SEC24B: variants seen among roughly 807,000 people sequenced by gnomAD.
SEC24B encodes SEC24 homolog B, COPII component, also known as protein transport protein Sec24B.
In SEC24B, 45 loss-of-function variants were observed where a neutral mutation model predicts 142.8. The observed-to-expected ratio is 0.32, with a 90% CI of 0.25 to 0.40. The LOEUF is 0.40. SEC24B is among the 10% of genes least tolerant of loss of function. The pLI is 1.00. For synonymous variants in SEC24B, 574 were observed against 568.2 expected (o/e 1.01, Z -0.15); for missense variants, 1,409 against 1,526.8 (o/e 0.92, Z 1.29).
chr4:109,465,438 G>A (rs892546262), intron 2 of SEC24B, among the ~76,000 whole-genome samples: 1 of 150,702 alleles, frequency 6.6e-6, no homozygotes, highest in Non-Finnish European at 1.5e-5. Flanking sequence ...AGTTATCCAA[G>A]TTGAATTGCC....
At chr4:109,482,993 C>CATAT (rs1393146684) in intron 4 of SEC24B, among the ~76,000 whole-genome samples, 7,759 of 107,618 alleles carry the variant, frequency 0.072, 1,024 homozygotes, top group African/African-American at 0.15. Flanking sequence ...CACACACACA[C>CATAT]ACACACACAC....
intron 11 of SEC24B, 23 bp from the exon 12 acceptor site, chr4:109,520,343 A>C (rs1218453595): frequency 7.1e-7 from 1 of 1,407,670 alleles, no homozygotes; most frequent in African/African-American, 1.4e-5. Context: ...CTCTGAATTT[A>C]AAATTGTCAT....
intron 6 of SEC24B, among the ~76,000 whole-genome samples, chr4:109,498,431 C>T (rs1034764310): frequency 7.2e-5 from 11 of 152,158 alleles, no homozygotes; most frequent in Non-Finnish European, 1.3e-4. Flanking sequence ...AATCTCGGCT[C>T]GCGGCTCACT....
chr4:109,472,735 A>G (rs935740817), intron 2 of SEC24B, among the ~76,000 whole-genome samples: 2 of 152,006 alleles, frequency 1.3e-5, no homozygotes, highest in Non-Finnish European at 2.9e-5. Context: ...TATTTTAGGA[A>G]AATTGTCATT....
intron 15 of SEC24B, 65 bp downstream of exon 15, chr4:109,525,006 ACT>A (rs1384841966): frequency 7.1e-7 from 1 of 1,405,028 alleles, no homozygotes; most frequent in Non-Finnish European, 9.8e-7. Flanking sequence ...TTAAATCTAA[ACT>A]CTTCAGTAAG....
chr4:109,520,992 C>CAA, intron 12 of SEC24B, 125 bp from the exon 13 acceptor site: 1 of 619,828 alleles, frequency 1.6e-6, no homozygotes. Context: ...AACTCCATCT[C>CAA]AAAAAAATAA....
intron 6 of SEC24B, among the ~76,000 whole-genome samples, chr4:109,504,887 C>T (rs1736521576): frequency 6.6e-6 from 1 of 152,020 alleles, no homozygotes; most frequent in Non-Finnish European, 1.5e-5. Context: ...TTCTATAGCA[C>T]ATTAACATAA....
At chr4:109,533,481 T>G (rs778491170) in intron 21 of SEC24B, 112 bp from the exon 22 acceptor site, 4 of 729,070 alleles carry the variant, frequency 5.5e-6, no homozygotes, top group Non-Finnish European at 9.6e-6. Context: ...ATAGATTTCC[T>G]TTTTACTCTT....
Position 109,463,261 on chromosome 4 carries a change from A to ACTG in SEC24B, c.496_497insGCT (p.Tyr165_Ser166insCys). 1 of 1,613,874 alleles carries ACTG rather than the reference A, an allele frequency of 6.2e-7. No homozygotes were observed. Among genetic ancestry groups the ACTG allele is most frequent in the East Asian group, 2.2e-5 (1 of 44,868 alleles). On this transcript the variant is annotated inframe_insertion, in exon 2 of 24. Transcript: ENST00000265175. ...AATCACTACAATAGTCCAGCCATGT[A>ACTG]CTCTGCCAGCTCTTCTGTTGCGTCT...
chr4:109,457,125 A>G (rs1400386329), intron 1 of SEC24B, among the ~76,000 whole-genome samples: 4 of 152,224 alleles, frequency 2.6e-5, no homozygotes, highest in Non-Finnish European at 5.9e-5. Context: ...GATTTTCCCC[A>G]AAGAGTTTCT....
At chr4:109,471,357 C>A (rs1037147905) in intron 2 of SEC24B, among the ~76,000 whole-genome samples, 2 of 151,986 alleles carry the variant, frequency 1.3e-5, no homozygotes, top group African/African-American at 4.8e-5. Context: ...GTTGCCCAGG[C>A]TGGTCTCAAA....
At position 109,439,490 on chromosome 4, in the gene SEC24B, T is replaced by C. The variant is rs1266979421; in HGVS notation, c.133+5488T>C. ...CCTAAGCTGATTTTTTTTTTTTTTT[T>C]TTTTTTTTTTTTTTTTTTTTTTTTT... On this transcript the variant is annotated intron_variant, in intron 1 of 23. Transcript: ENST00000265175. Among the ~76,000 whole-genome samples, 103 of 81,902 alleles carry C rather than the reference T, an allele frequency of 1.3e-3. 3 individuals carry two copies. In the South Asian group the frequency reaches 0.029, roughly 23 times the overall value. 53.7% of individuals were successfully genotyped at this position (81,902 alleles called of 152,430 possible).
intron 18 of SEC24B, among the ~76,000 whole-genome samples, chr4:109,527,660 T>C (rs899869245): frequency 6.6e-6 from 1 of 151,980 alleles, no homozygotes; most frequent in Non-Finnish European, 1.5e-5. Flanking sequence ...TAATCGCAGC[T>C]TCTCAGGAGA....
chr4:109,441,518 C>A (rs1728926633), intron 1 of SEC24B, among the ~76,000 whole-genome samples: 1 of 152,134 alleles, frequency 6.6e-6, no homozygotes, highest in African/African-American at 2.4e-5. Context: ...GCAGTCTTGA[C>A]CTCCCCGGGT....
intron 2 of SEC24B, among the ~76,000 whole-genome samples, chr4:109,467,886 T>G (rs903173002): frequency 9.2e-5 from 14 of 152,220 alleles, no homozygotes; most frequent in African/African-American, 3.1e-4. Context: ...AAAAGCTACT[T>G]GAGTAAAAAT....
chr4:109,513,756 A>G lies in SEC24B; in HGVS notation c.1913A>G (p.Glu638Gly). The G allele has an allele frequency of 6.2e-7, 1 of 1,607,106 alleles. No individual in the cohort carries two copies. Among genetic ancestry groups the G allele is most frequent in the South Asian group, 1.1e-5 (1 of 90,862 alleles). ...LCYRVNDVPE[E>G]FMYNPLTRSY... is the part of the protein sequence containing the mutation. The stretch of plus-strand genomic sequence containing the variant: ...GGGACCTCTTATCTAGTTCCTGAAG[A>G]ATTTATGTATAACCCCCTTACCCGA... The change falls in exon 10 of 24, where the codon GAA becomes GGA. Residue 638 changes from glutamate (E) to glycine (G), a missense_variant. Around this residue, in one of 2 missense-constraint regions of SEC24B, gnomAD observed 700 missense variants for 853.3 expected, o/e 0.82. Coordinates refer to ENST00000265175, the MANE Select transcript of SEC24B (RefSeq NM_006323.5).
chr4:109,464,150 G>T (rs1030243149), intron 2 of SEC24B, among the ~76,000 whole-genome samples: 2 of 152,160 alleles, frequency 1.3e-5, no homozygotes, highest in African/African-American at 4.8e-5. Context: ...CTCATTTTCA[G>T]ATTAGTAAGT....
rs10034178 is a variant in SEC24B at position 109,483,003 on chromosome 4, C to T, written c.1165+1222C>T. Among the ~76,000 whole-genome samples the T allele has an allele frequency of 4.8e-3, 404 of 83,864 alleles. 11 individuals are homozygous for T. The highest frequency in any genetic ancestry group is 0.023 in the African/African-American group (281 of 12,052). 55.0% of individuals were successfully genotyped at this position (83,864 alleles called of 152,430 possible). On this transcript the variant is annotated intron_variant, in intron 4 of 23. Coordinates refer to ENST00000265175, the MANE Select transcript of SEC24B (RefSeq NM_006323.5). ...ATACACACACACACACACACACACA[C>T]ATATTATACATATGTTTTTTATATA...
At chr4:109,504,801 C>T (rs892180535) in intron 6 of SEC24B, among the ~76,000 whole-genome samples, 8 of 152,066 alleles carry the variant, frequency 5.3e-5, no homozygotes, top group African/African-American at 1.9e-4. Context: ...TGACCACTAC[C>T]TGAATCATTT....
Sources: allele counts gnomAD v4.1 joint callset (sites outside exome capture counted in the v4.1 genomes callset), GRCh38; gene constraint gnomAD v4.1.1; regional missense constraint gnomAD v4.1.1; transcripts MANE v1.5; gene names NCBI Gene and HGNC (gene_info 2026-07-23, HGNC 2026-07-21).